Variants in TMEM132C observed in about 807,000 individuals in gnomAD.
TMEM132C encodes protein phosphatase 1, regulatory subunit 152.
Under a neutral mutation model 61.4 loss-of-function variants are expected in TMEM132C, and 29 were observed. The ratio of observed to expected loss-of-function variants is 0.47; its 90% CI spans 0.35 to 0.64. The LOEUF (loss-of-function observed/expected upper bound fraction) is 0.64. Ranked by LOEUF, TMEM132C falls within the 30% of genes least tolerant of loss-of-function variation. The pLI is 0.00. For missense variants in TMEM132C, 1,408 were observed against 1,476.9 expected (o/e 0.95, Z 0.76); for synonymous variants, 656 against 633.1 (o/e 1.04, Z -0.54).
At chr12:128,626,275 C>A (rs929160522) in intron 4 of TMEM132C, among the ~76,000 whole-genome samples, 2 of 145,952 alleles carry the variant, frequency 1.4e-5, no homozygotes, top group Non-Finnish European at 3.0e-5. Flanking sequence ...TACAGGCGCT[C>A]ACCACCACGC....
intron 3 of TMEM132C, among the ~76,000 whole-genome samples, chr12:128,578,779 G>C (rs1416385895): frequency 6.6e-6 from 1 of 152,078 alleles, no homozygotes; most frequent in Admixed American, 6.6e-5. Context: ...TGTATTTTTA[G>C]TAGAGATGGG....
At chr12:128,493,272 G>C (rs1024713852) in intron 2 of TMEM132C, among the ~76,000 whole-genome samples, 11 of 152,192 alleles carry the variant, frequency 7.2e-5, no homozygotes, top group African/African-American at 2.4e-4. Flanking sequence ...ATAGTTTGAA[G>C]TCAGGTAGCA....
At position 128,316,329 on chromosome 12, in the gene TMEM132C, G is replaced by A. The variant is rs7976335; in HGVS notation, c.85+48842G>A. On this transcript the variant is annotated intron_variant, in intron 1 of 8. Transcript: ENST00000435159. ...GCATTGCTGGCAAAACCACTGGGGC[G>A]AGGTTCCCTTCCTCTTCCTTCCTCA... Among the ~76,000 whole-genome samples the A allele has an allele frequency of 6.3e-3, 953 of 152,268 alleles. 2 individuals are homozygous for A. The highest frequency in any genetic ancestry group is 0.02 in the Middle Eastern group (6 of 294).
chr12:128,452,503 T>TG (rs1285993825), intron 2 of TMEM132C, among the ~76,000 whole-genome samples: 1 of 151,086 alleles, frequency 6.6e-6, no homozygotes, highest in Non-Finnish European at 1.5e-5. Flanking sequence ...GTGGATCACT[T>TG]GATCCACTGT....
chr12:128,321,138 AAATAATAATAATAATAAT>A (rs58166037), intron 1 of TMEM132C, among the ~76,000 whole-genome samples: 7 of 143,774 alleles, frequency 4.9e-5, no homozygotes, highest in East Asian at 2.0e-4. Context: ...CATTTTTGAA[AAATAATAATAATAATAAT>A]AATAATAATA....
At chr12:128,502,875 G>C in intron 2 of TMEM132C, among the ~76,000 whole-genome samples, 1 of 152,172 alleles carries the variant, frequency 6.6e-6, no homozygotes, top group Non-Finnish European at 1.5e-5. Flanking sequence ...CCCTTTCTTT[G>C]AATAGAAAAC....
intron 3 of TMEM132C, among the ~76,000 whole-genome samples, chr12:128,566,737 A>C (rs1874718754): frequency 6.6e-6 from 1 of 152,226 alleles, no homozygotes; most frequent in Non-Finnish European, 1.5e-5. Context: ...CGTAGTTCGT[A>C]CTGTATGGTG....
rs370592371 is a variant in TMEM132C, at chr12:128,295,443, T to G, written c.85+27956T>G. The stretch of plus-strand genomic sequence containing the variant: ...TGAGGGGAAGGCAGTTCCATCCCCA[T>G]TTTACAGATGAGAAAACTGAGACGT... On this transcript the variant is annotated intron_variant, in intron 1 of 8. Coordinates refer to ENST00000435159, the MANE Select transcript of TMEM132C (RefSeq NM_001136103.3). Among the ~76,000 whole-genome samples, 70 of 145,898 alleles carry G rather than the reference T, an allele frequency of 4.8e-4. 2 individuals carry two copies. The East Asian group carries it at 0.014, about 29-fold the overall frequency.
intron 2 of TMEM132C, among the ~76,000 whole-genome samples, chr12:128,457,201 G>A (rs1253916921): frequency 6.6e-6 from 1 of 151,206 alleles, no homozygotes; most frequent in Non-Finnish European, 1.5e-5. Flanking sequence ...TTTAGGAACT[G>A]CCAGTTTTTC....
At chr12:128,301,942 A>T (rs1485542509) in intron 1 of TMEM132C, among the ~76,000 whole-genome samples, 6 of 152,172 alleles carry the variant, frequency 3.9e-5, no homozygotes, top group Non-Finnish European at 7.3e-5. Context: ...GAAAGAGGAA[A>T]CCACTTATAA....
chr12:128,391,770 C>G (rs1874770672), intron 1 of TMEM132C, among the ~76,000 whole-genome samples: 1 of 152,184 alleles, frequency 6.6e-6, no homozygotes, highest in African/African-American at 2.4e-5. Context: ...ATTCACAAAC[C>G]TTCAGAGCCT....
intron 4 of TMEM132C, among the ~76,000 whole-genome samples, chr12:128,626,647 G>A (rs1374758618): frequency 6.6e-6 from 1 of 151,864 alleles, no homozygotes; most frequent in Non-Finnish European, 1.5e-5. Context: ...GTTTCACCGT[G>A]TTGGCCAGGC....
At chr12:128,417,367 A>C (rs1025926009) in intron 2 of TMEM132C, among the ~76,000 whole-genome samples, 54 of 152,186 alleles carry the variant, frequency 3.5e-4, no homozygotes, top group African/African-American at 1.2e-3. Context: ...GCATGAGCCA[A>C]GCCACCTGGG....
At chr12:128,680,008 T>C (rs558320077) in intron 5 of TMEM132C, among the ~76,000 whole-genome samples, 3 of 152,024 alleles carry the variant, frequency 2.0e-5, no homozygotes, top group Admixed American at 1.3e-4. Flanking sequence ...CCCCAGGGTA[T>C]GAACAGGCTT....
intron 4 of TMEM132C, among the ~76,000 whole-genome samples, chr12:128,618,925 G>A (rs1876900332): frequency 6.6e-6 from 1 of 152,150 alleles, no homozygotes; most frequent in African/African-American, 2.4e-5. Flanking sequence ...AAGCAACATG[G>A]AAAATTAGAA....
At position 128,379,179 on chromosome 12, in the gene TMEM132C, A is replaced by G. The variant is rs535429355; in HGVS notation, c.86-35553A>G. Among the ~76,000 whole-genome samples, 26 of 152,332 alleles carry G rather than the reference A, an allele frequency of 1.7e-4. No individual in the cohort carries two copies. In the South Asian group the frequency reaches 4.4e-3, roughly 25 times the overall value. On this transcript the variant is annotated intron_variant, in intron 1 of 8. Coordinates refer to ENST00000435159, the MANE Select transcript of TMEM132C (RefSeq NM_001136103.3). ...GCCCTGCATCCCCTACCATGCATGG[A>G]CCATGCCATCAGATGGGGTTGGGTT... is the stretch of plus-strand genomic sequence containing the variant.
chr12:128,271,302 T>TAATAAA (rs1416256157), intron 1 of TMEM132C, among the ~76,000 whole-genome samples: 3 of 121,968 alleles, frequency 2.5e-5, no homozygotes. Flanking sequence ...ATAATAATAA[T>TAATAAA]AATAAAATGA....
intron 2 of TMEM132C, among the ~76,000 whole-genome samples, chr12:128,535,930 T>G (rs1873510153): frequency 1.3e-5 from 2 of 152,124 alleles, no homozygotes; most frequent in Admixed American, 1.3e-4. Context: ...GGAACGCTTT[T>G]ACACTGTTGG....
chr12:128,658,441 G>A (rs1270573655), intron 4 of TMEM132C, among the ~76,000 whole-genome samples: 2 of 152,160 alleles, frequency 1.3e-5, no homozygotes, highest in African/African-American at 4.8e-5. Flanking sequence ...ACTGTCTCCA[G>A]CGTCCTCCTA....
Sources: gnomAD v4.1 joint callset for allele counts (sites outside exome capture counted in the v4.1 genomes callset) on GRCh38, gnomAD v4.1.1 for gene constraint, MANE v1.5 for transcripts, NCBI Gene and HGNC (gene_info 2026-07-23, HGNC 2026-07-21) for gene names.